Variants in CCDC39 observed in about 807,000 individuals in gnomAD.
The protein encoded by CCDC39 is coiled-coil domain 39 molecular ruler complex subunit.
Under a neutral mutation model 121.0 loss-of-function variants are expected in CCDC39, and 113 were observed. That is an observed-to-expected ratio of 0.93 (90% CI 0.80 to 1.09). CCDC39 has a LOEUF of 1.09. Among genes scored for constraint, CCDC39 ranks in the 50% least tolerant of loss-of-function variants. The pLI, the probability that CCDC39 is intolerant of heterozygous loss-of-function variation, is 0.00. For missense variants in CCDC39, 1,063 were observed against 1,074.7 expected (o/e 0.99, Z 0.15); for synonymous variants, 349 against 352.2 (o/e 0.99, Z 0.10).
At chr3:180,631,406 TATG>T in intron 14 of CCDC39, 60 bp downstream of exon 14, 1 of 1,401,300 alleles carries the variant, frequency 7.1e-7, no homozygotes, top group Non-Finnish European at 9.8e-7. Context: ...TTCAGAGGAT[TATG>T]ATGAATGAGT....
chr3:180,671,226 A>G (rs1312333794), intron 1 of CCDC39, among the ~76,000 whole-genome samples: 1 of 151,780 alleles, frequency 6.6e-6, no homozygotes, highest in Non-Finnish European at 1.5e-5. Context: ...AAAAAAAAAA[A>G]AAAAAAGTTA....
Position 180,679,344 on chromosome 3 carries a change from C to T in CCDC39, c.37G>A (p.Asp13Asn). The T allele has an allele frequency of 6.2e-7, 1 of 1,613,986 alleles. No individual in the cohort carries two copies. Among genetic ancestry groups the T allele is most frequent in the Non-Finnish European group, 8.5e-7 (1 of 1,179,872 alleles). Residue 13 changes from aspartate to asparagine, a missense_variant, in exon 1 of 20, where the codon GAT becomes AAT. Physicochemically the swap from Asp to Asn is conservative, Grantham distance 23. Transcript: ENST00000476379. This position sits in a 1 kb window ranked among gnomAD's most constrained non-coding sequence, Gnocchi z 4.0. ...TTCGCCACCGGGATGGCGAACCCAT[C>T]CTCCCAGTGCAGCTCAGCCAGGAAT... ...SEFLAELHWE[D>N]GFAIPVANEE...
intron 1 of CCDC39, among the ~76,000 whole-genome samples, chr3:180,666,045 ACAACCATTAC>A (rs1711865754): frequency 1.3e-5 from 2 of 152,080 alleles, no homozygotes; most frequent in South Asian, 4.1e-4. Flanking sequence ...ACCCTGTTAT[ACAACCATTAC>A]CACCAATCCA....
intron 4 of CCDC39, 119 bp downstream of exon 4, chr3:180,660,451 C>G (rs1414426326): frequency 2.1e-5 from 18 of 852,536 alleles, no homozygotes; most frequent in Non-Finnish European, 3.4e-6. Context: ...TCCAAGAAGC[C>G]TCTGACTCAG....
rs953985192 is a variant in CCDC39 at position 180,679,103 on chromosome 3, T to G, written c.90+188A>C. Among the ~76,000 whole-genome samples the G allele has an allele frequency of 2.6e-5, 4 of 152,160 alleles. No homozygotes were observed. The highest frequency in any genetic ancestry group is 9.7e-5 in the African/African-American group (4 of 41,426). ...GTCAATTATGGTTTTAATAGCATTT[T>G]TAAATGCTTAACAATTACTGAAATA... is the stretch of plus-strand genomic sequence containing the variant. On this transcript the variant is annotated intron_variant, in intron 1 of 19. Transcript: ENST00000476379. This position sits in a 1 kb window ranked among gnomAD's most constrained non-coding sequence, Gnocchi z 4.0.
intron 11 of CCDC39, among the ~76,000 whole-genome samples, chr3:180,645,088 T>A (rs948636855): frequency 6.6e-6 from 1 of 152,162 alleles, no homozygotes; most frequent in Admixed American, 6.5e-5. Flanking sequence ...CCTAGTATGA[T>A]GGACTCTTCC....
In CCDC39 at chr3:180,657,664, C is replaced by T. The variant is rs923550506; in HGVS notation, c.738+1788G>A. On this transcript the variant is annotated intron_variant, in intron 6 of 19. Coordinates refer to ENST00000476379, the MANE Select transcript of CCDC39 (RefSeq NM_181426.2). The stretch of plus-strand genomic sequence containing the variant: ...CCTCAGCAGATACTATAACCCACAC[C>T]CTGCAGCTCAACAATGTATAGCCAA... Among the ~76,000 whole-genome samples the T allele has an allele frequency of 3.3e-5, 5 of 152,134 alleles. No homozygotes were observed. The East Asian group carries it at 5.8e-4, about 18-fold the overall frequency.
intron 14 of CCDC39, among the ~76,000 whole-genome samples, chr3:180,627,107 T>A (rs549171182): frequency 6.6e-6 from 1 of 152,204 alleles, no homozygotes; most frequent in Non-Finnish European, 1.5e-5. Context: ...ACAGTCTGCT[T>A]ATGTGTCACT....
chr3:180,676,982 A>C (rs1323712183), intron 1 of CCDC39, among the ~76,000 whole-genome samples: 5 of 150,748 alleles, frequency 3.3e-5, no homozygotes, highest in African/African-American at 1.2e-4. Flanking sequence ...AACATCACAC[A>C]CTGGGGCCTG....
Position 180,660,709 on chromosome 3 carries a change from G to A in CCDC39, c.377C>T (p.Thr126Ile). The change falls in exon 4 of 20, where the codon ACT (threonine) becomes ATT (isoleucine). Residue 126 changes from threonine to isoleucine, a missense_variant. Coordinates refer to ENST00000476379, the MANE Select transcript of CCDC39 (RefSeq NM_181426.2). ...ACATTTCAAACCATCCAATTTTTGA[G>A]TGGCTTTAAATATGCCATTCTAATT... ...SDKENGIFKA[T>I]QKLDGLKCQM... 6.2e-7 allele frequency: 1 copy of A among 1,601,798 alleles called. No homozygotes were observed. The highest frequency in any genetic ancestry group is 1.3e-5 in the African/African-American group (1 of 74,860).
At chr3:180,668,029 A>G (rs528774970) in intron 1 of CCDC39, among the ~76,000 whole-genome samples, 1 of 152,176 alleles carries the variant, frequency 6.6e-6, no homozygotes, top group Non-Finnish European at 1.5e-5. Flanking sequence ...TCTATAAGAC[A>G]TGCTCACCAG....
rs754137115 is a variant in CCDC39 at position 180,619,401 on chromosome 3, C to G, written c.2159-36G>C. The G allele has an allele frequency of 4.0e-6, 4 of 991,494 alleles. No homozygotes were observed. The South Asian group carries it at 6.0e-5, about 15-fold the overall frequency. 61.4% of individuals were successfully genotyped at this position (991,494 alleles called of 1,614,324 possible). The stretch of plus-strand genomic sequence containing the variant: ...GAACATTTTTAGTTTAAAATTTCAA[C>G]ATACTAAGTAGAAATCAATTTTAAA... On this transcript the variant is annotated intron_variant, in intron 15 of 19. Transcript: ENST00000476379.
intron 14 of CCDC39, among the ~76,000 whole-genome samples, chr3:180,626,031 G>A (rs1254857445): frequency 6.6e-6 from 1 of 152,032 alleles, no homozygotes; most frequent in Admixed American, 6.6e-5. Context: ...AGGCCCCTGG[G>A]CAGCTGGTGT....
rs751312199 is a variant in CCDC39, at chr3:180,663,941, G to A, written c.136C>T (p.Arg46Cys). Residue 46 changes from arginine (R) to cysteine (C), a missense_variant, in exon 2 of 20, where the codon CGT becomes TGT. By Grantham distance (180) the Arg-to-Cys change is radical (BLOSUM62 -3). Transcript: ENST00000476379. ...DERASLQDEL[R>C]EYEERINSMT... ...GAATTAATTCGCTCTTCATACTCAC[G>A]TAACTCATCTTGCAAGCTTGCTCTT... 7.4e-6 allele frequency: 12 copies of A among 1,611,500 alleles called. No individual in the cohort carries two copies. In the Middle Eastern group the frequency reaches 5.0e-4, roughly 67 times the overall value.
chr3:180,614,692 C>T lies in CCDC39; in HGVS notation c.*229G>A, dbSNP rs542764865. 3.9e-4 allele frequency: 163 copies of T among 418,256 alleles called. No individual in the cohort carries two copies. The East Asian group carries it at 7.0e-3, about 18-fold the overall frequency. 25.9% of individuals were successfully genotyped at this position (418,256 alleles called of 1,614,324 possible). On this transcript the variant is annotated 3_prime_UTR_variant, in exon 20 of 20. Transcript: ENST00000476379. ...ATTACAGTGAAATACAGCATTTTTCCTATGCTTGTATAACATGTAGCCTTG... is the reference window on the plus strand; with the variant it reads ...ATTACAGTGAAATACAGCATTTTTCTTATGCTTGTATAACATGTAGCCTTG...
intron 14 of CCDC39, among the ~76,000 whole-genome samples, chr3:180,620,511 G>A (rs920861087): frequency 6.6e-6 from 1 of 151,994 alleles, no homozygotes; most frequent in Non-Finnish European, 1.5e-5. Context: ...TCCTCTAAGA[G>A]TGGACATACT....
chr3:180,614,863 A>G lies in CCDC39; in HGVS notation c.*58T>C. The G allele has an allele frequency of 1.4e-6, 2 of 1,468,694 alleles. No individual in the cohort carries two copies. The highest frequency in any genetic ancestry group is 1.8e-6 in the Non-Finnish European group (2 of 1,085,726). The allele number at this position is 1,468,694 out of a possible 1,614,324, so 91.0% of individuals were successfully genotyped here. ...GATAAAATGTGTTGGGTCGTTTTGT[A>G]TTTTAAAGTATATTTTTGTTTTTGT... On this transcript the variant is annotated 3_prime_UTR_variant, in exon 20 of 20. Transcript: ENST00000476379.
At chr3:180,677,895 CT>C (rs544314171) in intron 1 of CCDC39, among the ~76,000 whole-genome samples, 105 of 152,116 alleles carry the variant, frequency 6.9e-4, no homozygotes, top group African/African-American at 2.3e-3. Context: ...ACAGGAGTTG[CT>C]TTTTAAATGT....
In CCDC39 at chr3:180,616,320, T is replaced by C. The variant is rs1196346505; in HGVS notation, c.2630A>G (p.Gln877Arg). Reference protein sequence around the residue: ...LPTASTKGSRQSSRSPSHTSL... With the variant: ...LPTASTKGSRRSSRSPSHTSL... Reference sequence around the variant, plus strand: ...AGTATGTGAAGGAGATCTAGAGCTCTGACGACTGCCTTTTGTGCTAGCTGT... The same window carrying C: ...AGTATGTGAAGGAGATCTAGAGCTCCGACGACTGCCTTTTGTGCTAGCTGT... The change falls in exon 19 of 20, where the codon CAG becomes CGG. Residue 877 changes from glutamine (Q) to arginine (R), a missense_variant. By Grantham distance (43) the Gln-to-Arg change is conservative (BLOSUM62 1). Transcript: ENST00000476379. 1.9e-6 allele frequency: 3 copies of C among 1,613,436 alleles called. No individual in the cohort carries two copies. The highest frequency in any genetic ancestry group is 2.2e-5 in the East Asian group (1 of 44,880).
Sources: gnomAD v4.1 joint callset for allele counts (sites outside exome capture counted in the v4.1 genomes callset) on GRCh38, gnomAD v4.1.1 for gene constraint, Gnocchi (gnomAD v3.1) non-coding constraint, MANE v1.5 for transcripts, NCBI Gene and HGNC (gene_info 2026-07-23, HGNC 2026-07-21) for gene names.